Variants in DNAJC11 observed in about 807,000 individuals in gnomAD.
DNAJC11 encodes DnaJ heat shock protein family (Hsp40) member C11, also known as dnaJ homolog subfamily C member 11.
In DNAJC11, 15 loss-of-function variants were observed where a neutral mutation model predicts 78.6. The ratio of observed to expected loss-of-function variants is 0.19; its 90% confidence interval spans 0.13 to 0.29. DNAJC11 has a LOEUF of 0.29. Ranked by LOEUF, DNAJC11 falls within the 10% of genes least tolerant of loss-of-function variation. The pLI is 1.00. For missense variants in DNAJC11, 547 were observed against 709.6 expected (o/e 0.77, Z 2.60); for synonymous variants, 292 against 272.1 (o/e 1.07, Z -0.72).
chr1:6,662,819 C>T (rs1227612496), intron 4 of DNAJC11, among the ~76,000 whole-genome samples: 1 of 66,464 alleles, frequency 1.5e-5, no homozygotes, highest in Non-Finnish European at 3.1e-5. Flanking sequence ...GGAATAAAAG[C>T]TGGCCACCCC....
intron 3 of DNAJC11, among the ~76,000 whole-genome samples, chr1:6,672,433 G>C (rs1301154054): frequency 1.3e-5 from 2 of 152,214 alleles, no homozygotes; most frequent in East Asian, 3.8e-4. Flanking sequence ...CATCTTTGAA[G>C]ACTGAACTAA....
At chr1:6,639,804 C>T (rs1641846155) in intron 11 of DNAJC11, 98 bp downstream of exon 11, 4 of 1,360,212 alleles carry the variant, frequency 2.9e-6, no homozygotes, top group Middle Eastern at 2.3e-4. Context: ...GTTTCCTCAT[C>T]ACCCGACGCA....
intron 3 of DNAJC11, among the ~76,000 whole-genome samples, chr1:6,669,827 G>T (rs1054892079): frequency 1.3e-4 from 20 of 152,142 alleles, no homozygotes; most frequent in Non-Finnish European, 4.4e-5. Context: ...GGGGGCAGGG[G>T]TATACGAAAG....
intron 1 of DNAJC11, among the ~76,000 whole-genome samples, chr1:6,688,324 C>T (rs1642689850): frequency 6.6e-6 from 1 of 152,166 alleles, no homozygotes. Flanking sequence ...TAAATTCCTT[C>T]CAATAATAAG....
rs1306456400 is a variant in DNAJC11 at position 6,653,430 on chromosome 1, A to T, written c.508-479T>A. ...AAATTAATGAGCTGAGGAGACAAAG[A>T]CCTACTATAAACGCTCAGGAGAATG... is the stretch of plus-strand genomic sequence containing the variant. On this transcript the variant is annotated intron_variant, in intron 5 of 15. Coordinates refer to ENST00000377577, the MANE Select transcript of DNAJC11 (RefSeq NM_018198.4). The surrounding 1 kb of genome is among the most constrained non-coding windows in gnomAD (Gnocchi z 4.5). Among the ~76,000 whole-genome samples, 1 of 152,192 alleles carries T rather than the reference A, an allele frequency of 6.6e-6. No individual in the cohort carries two copies. The highest frequency in any genetic ancestry group is 1.5e-5 in the Non-Finnish European group (1 of 68,026).
rs1337681200 is a variant in DNAJC11, at chr1:6,664,602, T to A, written c.378+3107A>T. Among the ~76,000 whole-genome samples, 7 of 152,274 alleles carry A rather than the reference T, an allele frequency of 4.6e-5. No homozygotes were observed. The East Asian group carries it at 1.4e-3, about 29-fold the overall frequency. The stretch of plus-strand genomic sequence containing the variant: ...ATTCCTGACCAAGCCAAGAATTTCC[T>A]CCTCAGTGTTGAATGAAACACCACC... On this transcript the variant is annotated intron_variant, in intron 4 of 15. Transcript: ENST00000377577.
intron 1 of DNAJC11, among the ~76,000 whole-genome samples, chr1:6,695,482 C>T (rs1642819757): frequency 6.6e-6 from 1 of 151,882 alleles, no homozygotes; most frequent in Non-Finnish European, 1.5e-5. Flanking sequence ...TTACCTGTTA[C>T]CTACATTCTA....
At chr1:6,682,345 C>T (rs1388109769) in intron 1 of DNAJC11, among the ~76,000 whole-genome samples, 1 of 152,058 alleles carries the variant, frequency 6.6e-6, no homozygotes, top group Non-Finnish European at 1.5e-5. Context: ...TATTCAGATG[C>T]TAGAAAGCCA....
At chr1:6,687,628 A>G (rs147314684) in intron 1 of DNAJC11, among the ~76,000 whole-genome samples, 115 of 152,168 alleles carry the variant, frequency 7.6e-4, no homozygotes, top group Non-Finnish European at 1.1e-3. Context: ...AAGTGCTAGG[A>G]TTACACGCGT....
At chr1:6,638,697 T>A (rs561495056) in intron 11 of DNAJC11, among the ~76,000 whole-genome samples, 107 of 152,334 alleles carry the variant, frequency 7.0e-4, no homozygotes, top group Non-Finnish European at 1.0e-3. Flanking sequence ...TTTTTAATTT[T>A]AATTTTAAGA....
At chr1:6,692,258 T>C (rs1037835490) in intron 1 of DNAJC11, among the ~76,000 whole-genome samples, 1 of 152,156 alleles carries the variant, frequency 6.6e-6, no homozygotes, top group African/African-American at 2.4e-5. Flanking sequence ...AACCTCACGT[T>C]TGCCAATCAC....
At chr1:6,683,340 A>C (rs1449174271) in intron 1 of DNAJC11, among the ~76,000 whole-genome samples, 1 of 152,186 alleles carries the variant, frequency 6.6e-6, no homozygotes, top group East Asian at 1.9e-4. Flanking sequence ...TGACCATGGC[A>C]AGTGAGATTT....
intron 1 of DNAJC11, among the ~76,000 whole-genome samples, chr1:6,696,885 C>T (rs1349202467): frequency 6.6e-6 from 1 of 152,224 alleles, no homozygotes; most frequent in Admixed American, 6.5e-5. Context: ...GTTACAAACA[C>T]TGCAAAAATG....
In DNAJC11 at chr1:6,657,847, G is replaced by A. The variant is rs577287999; in HGVS notation, c.379-3808C>T. Among the ~76,000 whole-genome samples, 19 of 152,218 alleles carry A rather than the reference G, an allele frequency of 1.2e-4. No individual in the cohort carries two copies. In the East Asian group the frequency reaches 1.9e-3, roughly 15 times the overall value. ...TTTTTAGTAGAGACGGGGTTTCACC[G>A]TGTTAGCCAGGATGGTCTCGATCTC... On this transcript the variant is annotated intron_variant, in intron 4 of 15. Coordinates refer to ENST00000377577, the MANE Select transcript of DNAJC11 (RefSeq NM_018198.4).
intron 1 of DNAJC11, among the ~76,000 whole-genome samples, chr1:6,695,293 C>CCA (rs1401304275): frequency 6.6e-6 from 1 of 151,926 alleles, no homozygotes; most frequent in East Asian, 1.9e-4. Context: ...GAGCCACCCC[C>CCA]CAATCCTTAT....
Position 6,634,323 on chromosome 1 carries a change from C to T in DNAJC11, c.*1352G>A, listed in dbSNP as rs1029761541. 10 of 1,021,974 alleles carry T rather than the reference C, an allele frequency of 9.8e-6. No individual in the cohort carries two copies. The highest frequency in any genetic ancestry group is 1.4e-5 in the Non-Finnish European group (10 of 728,012). 63.3% of individuals were successfully genotyped at this position (1,021,974 alleles called of 1,614,324 possible). A position where few individuals can be genotyped will look rare whatever the true frequency, so the allele number is the denominator to read the frequency against. On this transcript the variant is annotated 3_prime_UTR_variant, in exon 16 of 16. Coordinates refer to ENST00000377577, the MANE Select transcript of DNAJC11 (RefSeq NM_018198.4). ...AACACGACGCTCACCGCGGCTCGGG[C>T]CGTGGGGCCGTCAGAGAAACCTTTT...
chr1:6,683,609 G>C lies in DNAJC11; in HGVS notation c.73-2572C>G, dbSNP rs191241843. 2.9e-4 allele frequency among the ~76,000 whole-genome samples: 44 copies of C among 152,282 alleles called. 1 individual carries two copies. Among genetic ancestry groups the C allele is most frequent in the African/African-American group, 1.0e-3 (42 of 41,568 alleles). On this transcript the variant is annotated intron_variant, in intron 1 of 15. Coordinates refer to ENST00000377577, the MANE Select transcript of DNAJC11 (RefSeq NM_018198.4). ...GCCTAACAATGTCCAGCTCATACTA[G>C]GACCATAACCACTTTTGTTATTACC...
rs1415798012 is a variant in DNAJC11 at position 6,644,552 on chromosome 1, A to G, written c.1097+6T>C. 3 of 1,607,354 alleles carry G rather than the reference A, an allele frequency of 1.9e-6. No homozygotes were observed. Among genetic ancestry groups the G allele is most frequent in the East Asian group, 2.2e-5 (1 of 44,866 alleles). ...CCTTGACCCGAAAGGCCTAAGTTCA[A>G]CTTACTTGACTTTGAGAGAAACACC... On this transcript the variant is annotated splice_donor_region_variant and intron_variant, in intron 10 of 15. Transcript: ENST00000377577.
Position 6,645,706 on chromosome 1 carries a change from G to T in DNAJC11, c.894+83C>A. The T allele has an allele frequency of 6.7e-7, 1 of 1,501,492 alleles. No homozygotes were observed. The highest frequency in any genetic ancestry group is 9.2e-7 in the Non-Finnish European group (1 of 1,092,862). 93.0% of individuals were successfully genotyped at this position (1,501,492 alleles called of 1,614,324 possible). On this transcript the variant is annotated intron_variant, in intron 8 of 15. Coordinates refer to ENST00000377577, the MANE Select transcript of DNAJC11 (RefSeq NM_018198.4). The surrounding 1 kb of genome is among the most constrained non-coding windows in gnomAD (Gnocchi z 4.1). ...TAGACTTAGTGGTGATCAGGACGCA[G>T]GATTTAAGGGGAGCACTGAGTGCTT...
Sources: allele counts gnomAD v4.1 joint callset (sites outside exome capture counted in the v4.1 genomes callset), GRCh38; gene constraint gnomAD v4.1.1; non-coding constraint Gnocchi (gnomAD v3.1); transcripts MANE v1.5; gene names NCBI Gene and HGNC (gene_info 2026-07-23, HGNC 2026-07-21).